Variants in KIF26B observed in about 807,000 individuals in gnomAD.
KIF26B encodes kinesin family member 26B, also known as kinesin-like protein KIF26B.
In KIF26B, 63 loss-of-function variants were observed where a neutral mutation model predicts 151.2. The observed-to-expected ratio is 0.42, with a 90% CI of 0.34 to 0.51. KIF26B has a LOEUF of 0.51. KIF26B is among the 20% of genes least tolerant of loss of function. The pLI, the probability that KIF26B is intolerant of heterozygous loss-of-function variation, is 0.07. For missense variants in KIF26B, 2,813 were observed against 2,913.6 expected, an observed-to-expected ratio of 0.97 and a Z score of 0.79; for synonymous variants, 1,357 against 1,262.1, an observed-to-expected ratio of 1.08 and a Z score of -1.59.
chr1:245,353,437 G>A (rs1672613197), intron 2 of KIF26B, among the ~76,000 whole-genome samples: 1 of 152,218 alleles, frequency 6.6e-6, no homozygotes, highest in Non-Finnish European at 1.5e-5. Flanking sequence ...GCTTTATTTG[G>A]TGGAGGGGCG....
chr1:245,283,890 A>G (rs1671114473), intron 2 of KIF26B, among the ~76,000 whole-genome samples: 1 of 152,110 alleles, frequency 6.6e-6, no homozygotes, highest in Non-Finnish European at 1.5e-5. Context: ...GTTTCACCAT[A>G]TTGGCCAGGC....
In KIF26B at chr1:245,687,917, C is replaced by A. The variant is rs1462889450; in HGVS notation, c.4934C>A (p.Thr1645Lys). ...AGLPDEPSGK[T>K]KDASSSSKLF... is the part of the protein sequence containing the mutation. ...CTCCCAGACGAGCCTAGCGGCAAGA[C>A]GAAGGACGCCAGCAGCAGCAGCAAG... The change falls in exon 12 of 15, where the codon ACG (threonine) becomes AAG (lysine). Residue 1645 changes from threonine (T) to lysine (K), a missense_variant. Coordinates refer to ENST00000407071, the MANE Select transcript of KIF26B (RefSeq NM_018012.4). The surrounding 1 kb of genome is among the most constrained non-coding windows in gnomAD (Gnocchi z 4.9). 1 of 1,593,514 alleles carries A rather than the reference C, an allele frequency of 6.3e-7. No homozygotes were observed. Among genetic ancestry groups the A allele is most frequent in the Non-Finnish European group, 8.5e-7 (1 of 1,171,888 alleles).
chr1:245,685,824 C>A lies in KIF26B; in HGVS notation c.2841C>A (p.Phe947Leu). The change falls in exon 12 of 15, where the codon TTC (phenylalanine) becomes TTA (leucine). Residue 947 changes from phenylalanine to leucine, a missense_variant. Phe to Leu is a conservative substitution (Grantham distance 22). This residue lies in a region of KIF26B where 2,060 missense variants were observed against 2,088.6 expected (regional missense o/e 0.99). Transcript: ENST00000407071. ...DGSEEPSSFP[F>L]EELPAQFGPE... ...GCGAGGAGCCCAGCAGCTTTCCTTT[C>A]GAAGAACTGCCTGCTCAGTTTGGGC... is the stretch of plus-strand genomic sequence containing the variant. 1 of 1,610,994 alleles carries A rather than the reference C, an allele frequency of 6.2e-7. No individual in the cohort carries two copies. The highest frequency in any genetic ancestry group is 1.7e-5 in the Admixed American group (1 of 59,908).
intron 2 of KIF26B, among the ~76,000 whole-genome samples, chr1:245,273,441 ACCCC>A (rs1670887314): frequency 7.3e-6 from 1 of 136,508 alleles, no homozygotes; most frequent in Non-Finnish European, 1.6e-5. Flanking sequence ...AAAAAAAAAA[ACCCC>A]AAAAAACAAA....
At chr1:245,283,993 A>C (rs10924150) in intron 2 of KIF26B, among the ~76,000 whole-genome samples, 18,137 of 151,822 alleles carry the variant, frequency 0.12, 1,325 homozygotes, top group African/African-American at 0.2. Flanking sequence ...GCAGCTTGAG[A>C]ATATGAGCAG....
intron 2 of KIF26B, among the ~76,000 whole-genome samples, chr1:245,333,965 C>T (rs1672169895): frequency 6.6e-6 from 1 of 151,928 alleles, no homozygotes; most frequent in South Asian, 2.1e-4. Context: ...CACCACTGCA[C>T]TCCAGCCTGG....
At chr1:245,513,113 A>G (rs1660871170) in intron 4 of KIF26B, among the ~76,000 whole-genome samples, 1 of 152,020 alleles carries the variant, frequency 6.6e-6, no homozygotes, top group Admixed American at 6.6e-5. Flanking sequence ...GTTTCTGCTC[A>G]CTAACAGAGG....
chr1:245,156,566 C>A lies in KIF26B; in HGVS notation c.348C>A (p.Gly116=), dbSNP rs747869981. The stretch of plus-strand genomic sequence containing the variant: ...CAGGCTCCCCGGGCTCCGGCAGCGG[C>A]GGCGGCTCCTCCCCCGGCTCGGACC... ...FGTGSPGSGS[G]GGSSPGSDRG... is the part of the protein sequence containing the mutation. Residue 116 remains glycine (G), a synonymous_variant, in exon 2 of 15, where the codon GGC becomes GGA. Coordinates refer to ENST00000407071, the MANE Select transcript of KIF26B (RefSeq NM_018012.4). 4 of 1,531,388 alleles carry A rather than the reference C, an allele frequency of 2.6e-6. No homozygotes were observed. The East Asian group carries it at 7.5e-5, about 29-fold the overall frequency. 94.9% of individuals were successfully genotyped at this position (1,531,388 alleles called of 1,614,324 possible).
intron 4 of KIF26B, among the ~76,000 whole-genome samples, chr1:245,528,248 C>A (rs577735211): frequency 1.3e-5 from 2 of 152,130 alleles, no homozygotes; most frequent in African/African-American, 4.8e-5. Flanking sequence ...ACCCAGGGCT[C>A]CGCACAGGCT....
At chr1:245,548,093 T>TACA (rs974560690) in intron 5 of KIF26B, among the ~76,000 whole-genome samples, 1 of 152,196 alleles carries the variant, frequency 6.6e-6, no homozygotes, top group Admixed American at 6.5e-5. Context: ...CACTGATATG[T>TACA]GTACATATAC....
intron 2 of KIF26B, among the ~76,000 whole-genome samples, chr1:245,248,130 T>C (rs532799728): frequency 4.6e-5 from 7 of 151,630 alleles, no homozygotes; most frequent in East Asian, 3.9e-4. Flanking sequence ...TTTTTTTTTT[T>C]CCCTCGGTGT....
At chr1:245,363,428 T>A (rs1672868045) in intron 2 of KIF26B, among the ~76,000 whole-genome samples, 1 of 152,162 alleles carries the variant, frequency 6.6e-6, no homozygotes. Flanking sequence ...ACTCCTGACC[T>A]CAGGTAATCC....
chr1:245,475,204 CTG>C lies in KIF26B; in HGVS notation c.1166+55462_1166+55463del, dbSNP rs1367898757. 2.0e-5 allele frequency among the ~76,000 whole-genome samples: 3 copies of C among 151,994 alleles called. No individual in the cohort carries two copies. In the East Asian group the frequency reaches 5.8e-4, roughly 29 times the overall value. On this transcript the variant is annotated intron_variant, in intron 4 of 14. Transcript: ENST00000407071. ...ACCCATCTGCTGGGTTTTGTGGAGACTGTGGCCATCTCTGCCTTTTAGACTGA... is the reference window on the plus strand; with the variant it reads ...ACCCATCTGCTGGGTTTTGTGGAGACTGGCCATCTCTGCCTTTTAGACTGA...
At chr1:245,553,416 G>A (rs1343308543) in intron 5 of KIF26B, among the ~76,000 whole-genome samples, 2 of 152,220 alleles carry the variant, frequency 1.3e-5, no homozygotes, top group Admixed American at 6.5e-5. Context: ...GGGGTGGCAG[G>A]CAGGGGGCTG....
chr1:245,192,100 G>A (rs889990036), intron 2 of KIF26B, among the ~76,000 whole-genome samples: 8 of 151,930 alleles, frequency 5.3e-5, no homozygotes, highest in Non-Finnish European at 1.2e-4. Flanking sequence ...ATTTCCTGAA[G>A]CATTTAAAAA....
chr1:245,562,575 G>A (rs1486012881), intron 5 of KIF26B, among the ~76,000 whole-genome samples: 2 of 150,474 alleles, frequency 1.3e-5, no homozygotes, highest in Non-Finnish European at 1.5e-5. Flanking sequence ...CTGTCCGCAC[G>A]TGGCCAAGCC....
intron 2 of KIF26B, among the ~76,000 whole-genome samples, chr1:245,326,502 C>T (rs761712905): frequency 1.3e-5 from 2 of 152,172 alleles, no homozygotes; most frequent in Non-Finnish European, 2.9e-5. Flanking sequence ...ACCCCAGGAC[C>T]GCCAGGCAAA....
At chr1:245,320,930 G>A (rs1010851234) in intron 2 of KIF26B, among the ~76,000 whole-genome samples, 7 of 152,106 alleles carry the variant, frequency 4.6e-5, no homozygotes, top group Non-Finnish European at 7.4e-5. Context: ...TCCCCGCGTC[G>A]TCCTCCCAAA....
rs536138421 is a variant in KIF26B at position 245,481,264 on chromosome 1, C to T, written c.1167-59503C>T. ...AAAGGGCCTCATAACAGCTCTGTGG[C>T]CCTCTCTGGGCTCAGAGAATGCCCG... On this transcript the variant is annotated intron_variant, in intron 4 of 14. Coordinates refer to ENST00000407071, the MANE Select transcript of KIF26B (RefSeq NM_018012.4). 3.9e-5 allele frequency among the ~76,000 whole-genome samples: 6 copies of T among 151,990 alleles called. No individual in the cohort carries two copies. In the South Asian group the frequency reaches 1.3e-3, roughly 32 times the overall value.
Sources: allele counts gnomAD v4.1 joint callset (sites outside exome capture counted in the v4.1 genomes callset), GRCh38; gene constraint gnomAD v4.1.1; regional missense constraint gnomAD v4.1.1; non-coding constraint Gnocchi (gnomAD v3.1); transcripts MANE v1.5; gene names NCBI Gene and HGNC (gene_info 2026-07-23, HGNC 2026-07-21).